The following PDE10A variants were observed in gnomAD, a reference collection of about 807,000 sequenced individuals.
PDE10A encodes phosphodiesterase 10A, also known as cAMP and cAMP-inhibited cGMP 3',5'-cyclic phosphodiesterase 10A.
Under a neutral mutation model 97.7 loss-of-function variants are expected in PDE10A, and 39 were observed. The ratio of observed to expected loss-of-function variants is 0.40; its 90% CI spans 0.31 to 0.52. PDE10A has a LOEUF of 0.52. PDE10A is among the 20% of genes least tolerant of loss of function. The pLI is 0.56. For synonymous variants in PDE10A, 371 were observed against 376.8 expected, an observed-to-expected ratio of 0.98 and a Z score of 0.18; for missense variants, 731 against 1,047.8, an observed-to-expected ratio of 0.70 and a Z score of 4.17.
chr6:165,500,829 G>A (rs946004749), intron 2 of PDE10A, among the ~76,000 whole-genome samples: 1 of 152,140 alleles, frequency 6.6e-6, no homozygotes, highest in South Asian at 2.1e-4. Context: ...TCTATTTACT[G>A]AGATAGGAGA....
intron 16 of PDE10A, among the ~76,000 whole-genome samples, chr6:165,392,184 G>A (rs2128215551): frequency 6.6e-6 from 1 of 152,194 alleles, no homozygotes. Flanking sequence ...ACTAACTCTG[G>A]GTATTTAAAG....
At chr6:165,492,737 T>C (rs986906725) in intron 2 of PDE10A, among the ~76,000 whole-genome samples, 5 of 152,132 alleles carry the variant, frequency 3.3e-5, no homozygotes, top group East Asian at 1.9e-4. Context: ...CAACATTATA[T>C]TGAATGTGAA....
chr6:165,555,566 C>A (rs1349622331), intron 1 of PDE10A, among the ~76,000 whole-genome samples: 5 of 152,106 alleles, frequency 3.3e-5, no homozygotes, highest in Non-Finnish European at 7.4e-5. Flanking sequence ...TTAGAAAAGA[C>A]CATGCTACTG....
chr6:165,960,869 A>T (rs1784337500), intron 1 of PDE10A, among the ~76,000 whole-genome samples: 1 of 152,064 alleles, frequency 6.6e-6, no homozygotes, highest in Non-Finnish European at 1.5e-5. Flanking sequence ...ATGGGCAGGG[A>T]GTGAGGGAGG....
intron 1 of PDE10A, chr6:165,774,831 CTTTTTTTTTTTT>C (rs5881660): frequency 1.9e-5 from 2 of 107,886 alleles, no homozygotes; most frequent in Admixed American, 2.1e-4. Flanking sequence ...ACTTTTTTTT[CTTTTTTTTTTTT>C]TTTTTTTAGT....
chr6:165,539,734 G>A (rs75962653), intron 2 of PDE10A, among the ~76,000 whole-genome samples: 54 of 151,576 alleles, frequency 3.6e-4, no homozygotes, highest in Non-Finnish European at 7.2e-4. Flanking sequence ...CAAGCTGGCC[G>A]ACACGTTGAA....
Position 165,380,688 on chromosome 6 carries a change from G to A in PDE10A, c.2611-1322C>T, listed in dbSNP as rs1010126593. ...TACATGAGATGCTATGAGATGAGCCGTTTGAGCATAGGCTGGTTAGTGACT... is the reference window on the plus strand; with the variant it reads ...TACATGAGATGCTATGAGATGAGCCATTTGAGCATAGGCTGGTTAGTGACT... On this transcript the variant is annotated intron_variant, in intron 17 of 21. Transcript: ENST00000539869. Among the ~76,000 whole-genome samples, 16 of 152,164 alleles carry A rather than the reference G, an allele frequency of 1.1e-4. No homozygotes were observed. In the East Asian group the frequency reaches 1.9e-3, roughly 18 times the overall value.
At chr6:165,986,410 A>AG (rs1304971410) in intron 1 of PDE10A, 8 of 153,208 alleles carry the variant, frequency 5.2e-5, no homozygotes, top group Non-Finnish European at 1.0e-4. Flanking sequence ...GTGGCAGGAA[A>AG]GGCAGAGGGG....
chr6:165,803,199 T>C (rs2128465842), intron 1 of PDE10A, among the ~76,000 whole-genome samples: 1 of 152,324 alleles, frequency 6.6e-6, no homozygotes, highest in Non-Finnish European at 1.5e-5. Flanking sequence ...GAATATAAAC[T>C]TGTACCCTTC....
Position 165,510,969 on chromosome 6 carries a change from C to T in PDE10A, c.995-28626G>A, listed in dbSNP as rs536113745. On this transcript the variant is annotated intron_variant, in intron 2 of 21. Transcript: ENST00000539869. ...TTTTTTTAACTTTTCCAAAACCCAA[C>T]ATTTTGTTTCATTGATCCTTTTAGT... Among the ~76,000 whole-genome samples the T allele has an allele frequency of 2.6e-5, 4 of 151,878 alleles. No individual in the cohort carries two copies. The East Asian group carries it at 7.7e-4, about 29-fold the overall frequency.
intron 1 of PDE10A, among the ~76,000 whole-genome samples, chr6:165,900,513 C>G (rs549027381): frequency 6.6e-5 from 10 of 152,106 alleles, no homozygotes; most frequent in African/African-American, 2.4e-4. Flanking sequence ...AGACATCTGA[C>G]CAGTGGGCAC....
intron 1 of PDE10A, among the ~76,000 whole-genome samples, chr6:165,697,152 G>A (rs1791462098): frequency 6.6e-6 from 1 of 152,094 alleles, no homozygotes; most frequent in East Asian, 1.9e-4. Flanking sequence ...CTGAAAAATG[G>A]TAACCATCCA....
chr6:165,363,561 A>C (rs1783562289), intron 18 of PDE10A, among the ~76,000 whole-genome samples: 1 of 152,006 alleles, frequency 6.6e-6, no homozygotes, highest in Non-Finnish European at 1.5e-5. Flanking sequence ...AAGAAATGAC[A>C]GATTCTGAAT....
At chr6:165,892,885 G>A (rs2128482626) in intron 1 of PDE10A, among the ~76,000 whole-genome samples, 1 of 152,278 alleles carries the variant, frequency 6.6e-6, no homozygotes, top group Middle Eastern at 3.4e-3. Flanking sequence ...ATTGAGCAGG[G>A]AGTTCTAGAA....
rs549521561 is a variant in PDE10A, at chr6:165,331,597, C to A, written c.*1428G>T. 4 of 152,268 alleles carry A rather than the reference C, an allele frequency of 2.6e-5. No individual in the cohort carries two copies. In the East Asian group the frequency reaches 7.7e-4, roughly 29 times the overall value. The allele number at this position is 152,268 out of a possible 1,614,324, so 9.4% of individuals were successfully genotyped here. ...TGAATAAGTTATTTGATATGATGGG[C>A]CTGTCACTTCCTGAGTGAGTCTCTG... On this transcript the variant is annotated 3_prime_UTR_variant, in exon 22 of 22. Transcript: ENST00000539869.
At chr6:165,567,394 G>A (rs1784827119) in intron 1 of PDE10A, among the ~76,000 whole-genome samples, 1 of 152,160 alleles carries the variant, frequency 6.6e-6, no homozygotes, top group Non-Finnish European at 1.5e-5. Flanking sequence ...TTGTGGAAAT[G>A]GCATTCAAAT....
rs187721941 is a variant in PDE10A, at chr6:165,418,310, T to C, written c.1796+325A>G. On this transcript the variant is annotated intron_variant, in intron 11 of 21. Coordinates refer to ENST00000539869, the MANE Select transcript of PDE10A (RefSeq NM_001385079.1). This position sits in a 1 kb window ranked among gnomAD's most constrained non-coding sequence, Gnocchi z 4.8. Reference sequence around the variant, plus strand: ...ATAAGCACACCTTTTCTCTTGGACATGGGAAAACCTGCAGATTCCAGGTGG... The same window carrying C: ...ATAAGCACACCTTTTCTCTTGGACACGGGAAAACCTGCAGATTCCAGGTGG... 6.6e-6 allele frequency among the ~76,000 whole-genome samples: 1 copy of C among 152,300 alleles called. No homozygotes were observed.
At chr6:165,957,891 A>G (rs1041534605) in intron 1 of PDE10A, among the ~76,000 whole-genome samples, 2 of 152,222 alleles carry the variant, frequency 1.3e-5, no homozygotes, top group African/African-American at 2.4e-5. Flanking sequence ...CCATGTCTCC[A>G]TGGAGGCCCT....
chr6:165,347,976 T>C (rs1243143847), intron 18 of PDE10A, among the ~76,000 whole-genome samples: 1 of 152,214 alleles, frequency 6.6e-6, no homozygotes. Flanking sequence ...TAACAAAGAA[T>C]TGTTAAAGTG....
Sources: allele counts gnomAD v4.1 joint callset (sites outside exome capture counted in the v4.1 genomes callset), GRCh38; gene constraint gnomAD v4.1.1; non-coding constraint Gnocchi (gnomAD v3.1); transcripts MANE v1.5; gene names NCBI Gene and HGNC (gene_info 2026-07-23, HGNC 2026-07-21).